CERKL: variants seen among roughly 807,000 people sequenced by gnomAD.
CERKL encodes the protein ceramide kinase-like protein.
In CERKL, 61 loss-of-function variants were observed where a neutral mutation model predicts 63.4. The ratio of observed to expected loss-of-function variants is 0.96; its 90% CI spans 0.78 to 1.19. The LOEUF is 1.19. Ranked by LOEUF, CERKL falls within the 50% of genes most tolerant of loss-of-function variation. The pLI, the probability that CERKL is intolerant of heterozygous loss-of-function variation, is 0.00. For missense variants in CERKL, 675 were observed against 655.5 expected (o/e 1.03, Z -0.33); for synonymous variants, 250 against 230.5 (o/e 1.08, Z -0.77).
intron 1 of CERKL, among the ~76,000 whole-genome samples, chr2:181,633,948 G>A (rs1444330006): frequency 6.6e-6 from 1 of 152,082 alleles, no homozygotes; most frequent in African/African-American, 2.4e-5. Flanking sequence ...CAAATTCAGA[G>A]AGTACTTTCA....
chr2:181,618,964 C>G (rs1480999931), intron 1 of CERKL, among the ~76,000 whole-genome samples: 5 of 152,024 alleles, frequency 3.3e-5, no homozygotes, highest in Non-Finnish European at 7.4e-5. Flanking sequence ...TATTAAATAC[C>G]TAAGATTTTA....
At chr2:181,612,804 T>G (rs1051173380) in intron 1 of CERKL, among the ~76,000 whole-genome samples, 5 of 152,078 alleles carry the variant, frequency 3.3e-5, no homozygotes, top group African/African-American at 4.8e-5. Context: ...TCATATATAT[T>G]TATGTATATA....
At chr2:181,636,870 A>G (rs1687202586) in intron 1 of CERKL, among the ~76,000 whole-genome samples, 1 of 152,174 alleles carries the variant, frequency 6.6e-6, no homozygotes, top group Non-Finnish European at 1.5e-5. Flanking sequence ...AATGCTCTGT[A>G]AGTACTAAGT....
chr2:181,628,750 C>T (rs766195924), intron 1 of CERKL, among the ~76,000 whole-genome samples: 1 of 152,180 alleles, frequency 6.6e-6, no homozygotes, highest in Non-Finnish European at 1.5e-5. Context: ...TTACCACCTA[C>T]ACAAGATTAT....
At chr2:181,641,421 T>A (rs1193729611) in intron 1 of CERKL, among the ~76,000 whole-genome samples, 2 of 150,036 alleles carry the variant, frequency 1.3e-5, no homozygotes, top group Non-Finnish European at 3.0e-5. Flanking sequence ...ACTCCTGGGC[T>A]CAAGCAATCC....
chr2:181,595,663 T>G (rs1685175239), intron 2 of CERKL, among the ~76,000 whole-genome samples: 1 of 152,228 alleles, frequency 6.6e-6, no homozygotes, highest in Non-Finnish European at 1.5e-5. Flanking sequence ...ACCGGTTGTT[T>G]AACCTTGTTA....
chr2:181,629,186 C>G (rs1337773224), intron 1 of CERKL, among the ~76,000 whole-genome samples: 2 of 152,022 alleles, frequency 1.3e-5, no homozygotes, highest in Non-Finnish European at 2.9e-5. Flanking sequence ...GTTCTATTAA[C>G]TTCAACCTCA....
At chr2:181,555,752 CTTTTTTTT>C (rs34713780) in intron 5 of CERKL, among the ~76,000 whole-genome samples, 1 of 120,152 alleles carries the variant, frequency 8.3e-6, no homozygotes, top group Non-Finnish European at 1.7e-5. Context: ...CATTATTAAA[CTTTTTTTT>C]TTTTTTTTTT....
At chr2:181,582,787 G>A (rs768400966) in intron 2 of CERKL, among the ~76,000 whole-genome samples, 5 of 151,830 alleles carry the variant, frequency 3.3e-5, no homozygotes, top group South Asian at 2.1e-4. Context: ...CAGGTGATCC[G>A]CCCACCTCAG....
intron 4 of CERKL, among the ~76,000 whole-genome samples, chr2:181,564,385 TAACTC>T (rs1304203322): frequency 5.9e-5 from 9 of 152,174 alleles, no homozygotes; most frequent in Admixed American, 5.9e-4. Flanking sequence ...AACACTTACA[TAACTC>T]AATTCATATA....
At chr2:181,618,517 A>G (rs1686311045) in intron 1 of CERKL, among the ~76,000 whole-genome samples, 1 of 151,846 alleles carries the variant, frequency 6.6e-6, no homozygotes, top group African/African-American at 2.4e-5. Context: ...CCCTGGGTTC[A>G]AGTGATTCTC....
At chr2:181,539,034 TG>T (rs1687354421) in intron 12 of CERKL, 57 bp downstream of exon 12, 2 of 1,244,248 alleles carry the variant, frequency 1.6e-6, no homozygotes, top group Non-Finnish European at 2.4e-6. Flanking sequence ...GAGCTTTCGT[TG>T]TAATATTAGA....
At chr2:181,605,510 G>T (rs1296130488) in intron 1 of CERKL, among the ~76,000 whole-genome samples, 1 of 152,190 alleles carries the variant, frequency 6.6e-6, no homozygotes, top group East Asian at 1.9e-4. Flanking sequence ...TAAGTATTTA[G>T]AAGAGTATTG....
intron 1 of CERKL, among the ~76,000 whole-genome samples, chr2:181,610,034 T>C (rs1376316502): frequency 6.6e-6 from 1 of 152,066 alleles, no homozygotes; most frequent in Non-Finnish European, 1.5e-5. Flanking sequence ...ATATTTAACA[T>C]TAAAATTATT....
At chr2:181,566,525 A>G (rs555055964) in intron 3 of CERKL, among the ~76,000 whole-genome samples, 1 of 152,354 alleles carries the variant, frequency 6.6e-6, no homozygotes, top group Non-Finnish European at 1.5e-5. Context: ...TGGCAACCTT[A>G]CATGAATAAA....
chr2:181,601,229 G>A (rs546514670), intron 2 of CERKL, among the ~76,000 whole-genome samples: 1 of 152,298 alleles, frequency 6.6e-6, no homozygotes, highest in South Asian at 2.1e-4. Flanking sequence ...ATTGAAAGAA[G>A]ATTCTTAAAG....
intron 1 of CERKL, among the ~76,000 whole-genome samples, chr2:181,619,614 C>T (rs1337338382): frequency 6.6e-6 from 1 of 152,206 alleles, no homozygotes; most frequent in African/African-American, 2.4e-5. Flanking sequence ...CCCTTAATCA[C>T]ACTGTATACA....
At chr2:181,648,734 AT>A (rs1196102847) in intron 1 of CERKL, among the ~76,000 whole-genome samples, 5 of 152,358 alleles carry the variant, frequency 3.3e-5, no homozygotes, top group Non-Finnish European at 7.4e-5. Flanking sequence ...AACAGCTACA[AT>A]GGCTAGGGAA....
chr2:181,578,651 T>C (rs1312600692), intron 2 of CERKL, among the ~76,000 whole-genome samples: 6 of 151,928 alleles, frequency 3.9e-5, no homozygotes, highest in Admixed American at 3.9e-4. Context: ...TCTACAGCTT[T>C]TCACATAGAC....
Sources: allele counts gnomAD v4.1 joint callset (sites outside exome capture counted in the v4.1 genomes callset), GRCh38; gene constraint gnomAD v4.1.1; transcripts MANE v1.5; gene names NCBI Gene and HGNC (gene_info 2026-07-23, HGNC 2026-07-21).